DEDD: variants seen among roughly 807,000 people sequenced by gnomAD.
The protein encoded by DEDD is death effector domain-containing protein.
In DEDD, 3 loss-of-function variants were observed where a neutral mutation model predicts 29.2. The observed-to-expected ratio is 0.10, with a 90% CI of 0.05 to 0.27. The LOEUF (loss-of-function observed/expected upper bound fraction) is 0.27. Among genes scored for constraint, DEDD ranks in the 10% least tolerant of loss-of-function variants. The pLI, the probability that DEDD is intolerant of heterozygous loss-of-function variation, is 1.00. For missense variants in DEDD, 261 were observed against 420.5 expected, an observed-to-expected ratio of 0.62 and a Z score of 3.32; for synonymous variants, 152 against 161.3, an observed-to-expected ratio of 0.94 and a Z score of 0.44.
Position 161,122,612 on chromosome 1 carries a change from A to G in DEDD, c.581-89T>C, listed in dbSNP as rs1164725273. On this transcript the variant is annotated intron_variant, in intron 5 of 5. Transcript: ENST00000368006. The surrounding 1 kb of genome is among the most constrained non-coding windows in gnomAD (Gnocchi z 4.2). ...CTTGAAAACTGAAAAGCACAACAGAATAAAAAAGTAGGGAATATCACCTGA... is the reference window on the plus strand; with the variant it reads ...CTTGAAAACTGAAAAGCACAACAGAGTAAAAAAGTAGGGAATATCACCTGA... 6 of 1,490,718 alleles carry G rather than the reference A, an allele frequency of 4.0e-6. No individual in the cohort carries two copies. The highest frequency in any genetic ancestry group is 5.4e-6 in the Non-Finnish European group (6 of 1,108,204). 92.3% of individuals were successfully genotyped at this position (1,490,718 alleles called of 1,614,324 possible).
intron 2 of DEDD, among the ~76,000 whole-genome samples, chr1:161,126,589 G>T (rs1476139726): frequency 6.6e-6 from 1 of 151,632 alleles, no homozygotes; most frequent in Non-Finnish European, 1.5e-5. Context: ...TGATCCGCCT[G>T]CCTCGGCCTC....
intron 4 of DEDD, 110 bp downstream of exon 4, chr1:161,123,721 TGGGGCAAG>T (rs1655826767): frequency 1.2e-6 from 1 of 849,596 alleles, no homozygotes; most frequent in African/African-American, 1.7e-5. Context: ...TTTTTTTTTA[TGGGGCAAG>T]ATGTGGGCGC....
rs1001895572 is a variant in DEDD, at chr1:161,122,829, C to T, written c.580+246G>A. 1.3e-5 allele frequency among the ~76,000 whole-genome samples: 2 copies of T among 152,168 alleles called. No homozygotes were observed. The highest frequency in any genetic ancestry group is 2.9e-5 in the Non-Finnish European group (2 of 68,028). On this transcript the variant is annotated intron_variant, in intron 5 of 5. Transcript: ENST00000368006. This position sits in a 1 kb window ranked among gnomAD's most constrained non-coding sequence, Gnocchi z 4.2. ...GTTCATTTTAATACTCGACTTGGCT[C>T]ATCCTACAATAAGGATGTCATAACA...
intron 4 of DEDD, 145 bp downstream of exon 4, chr1:161,123,694 G>T: frequency 3.0e-6 from 2 of 668,492 alleles, no homozygotes; most frequent in Non-Finnish European, 5.1e-6. Context: ...TAGGAGAAAT[G>T]TCACCTCGCC....
chr1:161,123,622 G>A (rs1395693376), intron 4 of DEDD, among the ~76,000 whole-genome samples: 2 of 146,486 alleles, frequency 1.4e-5, no homozygotes, highest in African/African-American at 5.0e-5. Flanking sequence ...GGCGACAGAG[G>A]GAGACTCTGT....
rs79073089 is a variant in DEDD at position 161,129,459 on chromosome 1, T to C, written c.-65+1356A>G. On this transcript the variant is annotated intron_variant, in intron 2 of 5. Coordinates refer to ENST00000368006, the MANE Select transcript of DEDD (RefSeq NM_032998.3). The stretch of plus-strand genomic sequence containing the variant: ...ACAATAAACAAAAATTAGCTGGGCA[T>C]AGTGGGACATACCTGTGGTCCCAGC... 3.4e-3 allele frequency among the ~76,000 whole-genome samples: 505 copies of C among 149,882 alleles called. 3 individuals carry two copies. Among genetic ancestry groups the C allele is most frequent in the African/African-American group, 0.012 (485 of 40,582 alleles).
intron 2 of DEDD, among the ~76,000 whole-genome samples, chr1:161,127,837 G>A (rs1392033535): frequency 1.3e-5 from 2 of 152,210 alleles, no homozygotes; most frequent in African/African-American, 2.4e-5. Context: ...TGGGCCAGCT[G>A]TTGATTGTGA....
chr1:161,130,441 A>C (rs905026051), intron 2 of DEDD, among the ~76,000 whole-genome samples: 3 of 152,220 alleles, frequency 2.0e-5, no homozygotes, highest in Non-Finnish European at 4.4e-5. Context: ...AGAAAGTTAG[A>C]GGAAAAGTTT....
Position 161,122,640 on chromosome 1 carries a change from G to A in DEDD, c.581-117C>T, listed in dbSNP as rs944139672. 7 of 1,282,442 alleles carry A rather than the reference G, an allele frequency of 5.5e-6. No individual in the cohort carries two copies. Among genetic ancestry groups the A allele is most frequent in the African/African-American group, 1.5e-5 (1 of 67,146 alleles). The allele number at this position is 1,282,442 out of a possible 1,614,324, so 79.4% of individuals were successfully genotyped here. On this transcript the variant is annotated intron_variant, in intron 5 of 5. Coordinates refer to ENST00000368006, the MANE Select transcript of DEDD (RefSeq NM_032998.3). The surrounding 1 kb of genome is among the most constrained non-coding windows in gnomAD (Gnocchi z 4.2). ...AAAAAGTAGGGAATATCACCTGACA[G>A]CTTCTCTACCTCTTCCCCAGGACTA... is the stretch of plus-strand genomic sequence containing the variant.
At chr1:161,129,539 C>CAA (rs71579693) in intron 2 of DEDD, among the ~76,000 whole-genome samples, 1,847 of 70,168 alleles carry the variant, frequency 0.026, 48 homozygotes, top group African/African-American at 0.093. Flanking sequence ...GACCTTGCCT[C>CAA]AAAAAAAAAA....
At chr1:161,123,798 T>A (rs1439103330) in intron 4 of DEDD, 41 bp downstream of exon 4, 1 of 1,546,440 alleles carries the variant, frequency 6.5e-7, no homozygotes, top group Non-Finnish European at 8.9e-7. Context: ...AGTGTCCTTT[T>A]ACTTGATGAT....
intron 2 of DEDD, among the ~76,000 whole-genome samples, chr1:161,125,682 A>G (rs1656091077): frequency 6.6e-6 from 1 of 152,146 alleles, no homozygotes; most frequent in African/African-American, 2.4e-5. Context: ...TTGTATTTTT[A>G]GTAGAGATGG....
At position 161,124,246 on chromosome 1, in the gene DEDD, G is replaced by A. The variant is rs151010008; in HGVS notation, c.217C>T (p.Arg73Cys). The A allele has an allele frequency of 1.1e-5, 18 of 1,614,196 alleles. No homozygotes were observed. Among genetic ancestry groups the A allele is most frequent in the Middle Eastern group, 1.6e-4 (1 of 6,062 alleles). Residue 73 changes from arginine (R) to cysteine (C), a missense_variant, in exon 3 of 6, where the codon CGC (arginine) becomes TGC (cysteine). By Grantham distance (180) the Arg-to-Cys change is radical. Coordinates refer to ENST00000368006, the MANE Select transcript of DEDD (RefSeq NM_032998.3). The stretch of plus-strand genomic sequence containing the variant: ...TTACTTTCATCACAGCGGCCCTGGC[G>A]CTCCAGTGCCAATAAGAAGTCACGT... ...NGRDFLLALERQGRCDESNFR... is the reference protein window; with the variant it reads ...NGRDFLLALECQGRCDESNFR...
intron 5 of DEDD, 73 bp downstream of exon 5, chr1:161,123,002 G>T: frequency 1.2e-6 from 2 of 1,614,020 alleles, no homozygotes; most frequent in South Asian, 1.1e-5. Flanking sequence ...AGCATAAACT[G>T]CCCAGTGTCC....
Position 161,121,943 on chromosome 1 carries a change from G to A in DEDD, c.*204C>T, listed in dbSNP as rs748379046. On this transcript the variant is annotated 3_prime_UTR_variant, in exon 6 of 6. Coordinates refer to ENST00000368006, the MANE Select transcript of DEDD (RefSeq NM_032998.3). Reference sequence around the variant, plus strand: ...GACACATTACGGGGTAAATGGAAAAGGGAAATAAAGGGGAAGCCCAGGCAC... The same window carrying A: ...GACACATTACGGGGTAAATGGAAAAAGGAAATAAAGGGGAAGCCCAGGCAC... The A allele has an allele frequency of 4.9e-6, 3 of 613,890 alleles. No individual in the cohort carries two copies. Among genetic ancestry groups the A allele is most frequent in the Non-Finnish European group, 8.3e-6 (3 of 362,224 alleles). The allele number at this position is 613,890 out of a possible 1,614,324, so 38.0% of individuals were successfully genotyped here.
chr1:161,131,801 T>G (rs909132917), intron 1 of DEDD, among the ~76,000 whole-genome samples: 2 of 152,036 alleles, frequency 1.3e-5, no homozygotes, highest in African/African-American at 4.8e-5. Flanking sequence ...TGGCTGCAAC[T>G]GATGCTGCTT....
rs1655864113 is a variant in DEDD, at chr1:161,123,973, G to A, written c.326-27C>T. The stretch of plus-strand genomic sequence containing the variant: ...TGTAGGAGGAGAAGTAATCATTCAG[G>A]AAAATATACACCCTTCCCTTCTGTC... On this transcript the variant is annotated intron_variant, in intron 3 of 5. Transcript: ENST00000368006. The A allele has an allele frequency of 3.1e-6, 5 of 1,610,996 alleles. No homozygotes were observed. In the East Asian group the frequency reaches 8.9e-5, roughly 29 times the overall value.
chr1:161,122,041 AG>A lies in DEDD; in HGVS notation c.*105del. The stretch of plus-strand genomic sequence containing the variant: ...TTTTTCTTTAAAAAAAAAAAAAAAA[AG>A]GCAGGGGTGTGATTGGTTGGAAGGG... On this transcript the variant is annotated 3_prime_UTR_variant, in exon 6 of 6. Coordinates refer to ENST00000368006, the MANE Select transcript of DEDD (RefSeq NM_032998.3). This position sits in a 1 kb window ranked among gnomAD's most constrained non-coding sequence, Gnocchi z 4.2. 1 of 1,313,602 alleles carries A rather than the reference AG, an allele frequency of 7.6e-7. No individual in the cohort carries two copies. The highest frequency in any genetic ancestry group is 1.0e-6 in the Non-Finnish European group (1 of 974,202). 81.4% of individuals were successfully genotyped at this position (1,313,602 alleles called of 1,614,324 possible).
At chr1:161,126,841 C>G (rs1263060066) in intron 2 of DEDD, among the ~76,000 whole-genome samples, 1 of 152,152 alleles carries the variant, frequency 6.6e-6, no homozygotes, top group Non-Finnish European at 1.5e-5. Flanking sequence ...CTATTCCACA[C>G]CCCCATCATC....
Sources: allele counts gnomAD v4.1 joint callset (sites outside exome capture counted in the v4.1 genomes callset), GRCh38; gene constraint gnomAD v4.1.1; non-coding constraint Gnocchi (gnomAD v3.1); transcripts MANE v1.5; gene names NCBI Gene and HGNC (gene_info 2026-07-23, HGNC 2026-07-21).